Variants in EIF2AK4 observed in about 807,000 individuals in gnomAD.
EIF2AK4 encodes eukaryotic translation initiation factor 2 alpha kinase 4.
In EIF2AK4, 139 loss-of-function variants were observed where a neutral mutation model predicts 211.1. The ratio of observed to expected loss-of-function variants is 0.66; its 90% confidence interval spans 0.57 to 0.76. The LOEUF (loss-of-function observed/expected upper bound fraction) is 0.76, where lower values mean the gene tolerates loss of function less well. Ranked by LOEUF, EIF2AK4 falls within the 30% of genes least tolerant of loss-of-function variation. The pLI, the probability that EIF2AK4 is intolerant of heterozygous loss-of-function variation, is 0.00. For missense variants in EIF2AK4, 1,664 were observed against 2,043.8 expected (o/e 0.81, Z 3.58); for synonymous variants, 710 against 751.3 (o/e 0.94, Z 0.90).
In EIF2AK4 at chr15:40,021,064, A is replaced by C. The variant is rs1555422667; in HGVS notation, c.4302+37A>C. 23 of 1,603,952 alleles carry C rather than the reference A, an allele frequency of 1.4e-5. No individual in the cohort carries two copies. In the South Asian group the frequency reaches 2.6e-4, roughly 18 times the overall value. The stretch of plus-strand genomic sequence containing the variant: ...AAAAGCACCTGTGAGTGAAGTGCAA[A>C]TTGCTATGGCTTTCATGGCAAATAT... On this transcript the variant is annotated intron_variant, in intron 31 of 38. Coordinates refer to ENST00000263791, the MANE Select transcript of EIF2AK4 (RefSeq NM_001013703.4).
At chr15:40,034,919 CTT>C (rs2035594475) in intron 38 of EIF2AK4, 106 bp from the exon 39 acceptor site, 2 of 788,932 alleles carry the variant, frequency 2.5e-6, no homozygotes, top group Non-Finnish European at 3.9e-6. Context: ...AGCCTTCCAT[CTT>C]GTTTTTGCTT....
At chr15:39,975,014 G>A (rs1246419543) in intron 11 of EIF2AK4, 20 of 151,998 alleles carry the variant, frequency 1.3e-4, no homozygotes, top group Admixed American at 1.3e-3. Context: ...AGATCGAAAG[G>A]CAATGCCAAG....
In EIF2AK4 at chr15:39,949,002, T is replaced by C. The variant is rs769332126; in HGVS notation, c.361-114T>C. 7 of 1,220,286 alleles carry C rather than the reference T, an allele frequency of 5.7e-6. 1 individual carries two copies. Among genetic ancestry groups the C allele is most frequent in the Admixed American group, 2.0e-5 (1 of 50,684 alleles). The allele number at this position is 1,220,286 out of a possible 1,614,324, so 75.6% of individuals were successfully genotyped here. ...GAGTATGTCATATCAAAATGAATAA[T>C]GGCATTCTAAGTGGGCCTCTGACCG... On this transcript the variant is annotated intron_variant, in intron 3 of 38. Coordinates refer to ENST00000263791, the MANE Select transcript of EIF2AK4 (RefSeq NM_001013703.4).
chr15:39,972,803 T>C (rs2034642808), intron 9 of EIF2AK4, 105 bp from the exon 10 acceptor site: 6 of 818,598 alleles, frequency 7.3e-6, no homozygotes, highest in Non-Finnish European at 1.2e-5. Flanking sequence ...ACATGAATTC[T>C]ATAATGTGTA....
rs867263986 is a variant in EIF2AK4 at position 39,999,131 on chromosome 15, T to C, written c.2922+347T>C. Among the ~76,000 whole-genome samples the C allele has an allele frequency of 6.0e-4, 92 of 152,262 alleles. 1 individual carries two copies. Among genetic ancestry groups the C allele is most frequent in the African/African-American group, 1.7e-3 (71 of 41,574 alleles). On this transcript the variant is annotated intron_variant, in intron 20 of 38. Transcript: ENST00000263791. ...AGCTTGGGGCTTTAAGAAAAAAATA[T>C]AATTTAAAACTGTAATTTTGTTCTG...
At chr15:39,957,433 T>G (rs2034406331) in intron 6 of EIF2AK4, among the ~76,000 whole-genome samples, 1 of 152,160 alleles carries the variant, frequency 6.6e-6, no homozygotes, top group African/African-American at 2.4e-5. Flanking sequence ...CTGCCTGGAC[T>G]ACTCAACCTC....
intron 32 of EIF2AK4, among the ~76,000 whole-genome samples, chr15:40,025,567 A>G (rs1432400742): frequency 6.6e-6 from 1 of 152,144 alleles, no homozygotes; most frequent in Non-Finnish European, 1.5e-5. Flanking sequence ...CTGAGATCTG[A>G]GAAACCTTGG....
chr15:40,001,633 C>CAAAAA (rs11383908), intron 21 of EIF2AK4, among the ~76,000 whole-genome samples: 3 of 120,334 alleles, frequency 2.5e-5, no homozygotes, highest in Middle Eastern at 3.8e-3. Flanking sequence ...GACCCCAACT[C>CAAAAA]AAAAAAAAAA....
intron 1 of EIF2AK4, among the ~76,000 whole-genome samples, chr15:39,935,027 A>G (rs542349569): frequency 6.6e-6 from 1 of 152,276 alleles, no homozygotes; most frequent in Non-Finnish European, 1.5e-5. Flanking sequence ...AACACTAAGG[A>G]TAGCTGATGA....
chr15:39,938,761 A>G (rs2034102985), intron 1 of EIF2AK4, among the ~76,000 whole-genome samples: 2 of 152,104 alleles, frequency 1.3e-5, no homozygotes, highest in Admixed American at 1.3e-4. Flanking sequence ...GTATCTGTAA[A>G]ATGGAGATGA....
intron 8 of EIF2AK4, among the ~76,000 whole-genome samples, chr15:39,966,267 T>G (rs2034542122): frequency 1.3e-5 from 2 of 152,092 alleles, no homozygotes; most frequent in Non-Finnish European, 2.9e-5. Context: ...CCCAGGAGGT[T>G]GAGACCAGTC....
At chr15:39,993,787 A>G (rs1052698361) in intron 18 of EIF2AK4, among the ~76,000 whole-genome samples, 1 of 152,194 alleles carries the variant, frequency 6.6e-6, no homozygotes. Flanking sequence ...AAGAGAGTTC[A>G]CTCTGGCTGC....
chr15:40,017,316 AAACT>A, intron 29 of EIF2AK4, 74 bp downstream of exon 29: 1 of 1,501,728 alleles, frequency 6.7e-7, no homozygotes, highest in East Asian at 2.3e-5. Flanking sequence ...TGAAATTTTC[AAACT>A]AACACCAAAA....
In EIF2AK4 at chr15:39,934,327, C is replaced by T. The variant is rs761154197; in HGVS notation, c.132C>T (p.Asp44=). 6.2e-7 allele frequency: 1 copy of T among 1,609,350 alleles called. No individual in the cohort carries two copies. The highest frequency in any genetic ancestry group is 1.7e-5 in the Admixed American group (1 of 59,612). The change falls in exon 1 of 39, where the codon GAC becomes GAT. Residue 44 remains aspartate (D), a synonymous_variant. Coordinates refer to ENST00000263791, the MANE Select transcript of EIF2AK4 (RefSeq NM_001013703.4). The part of the protein sequence containing the change: ...YGADFQDLRP[D]ACGPVKEPPE... The stretch of plus-strand genomic sequence containing the variant: ...CGGACTTCCAAGACCTGCGGCCGGA[C>T]GCTTGCGGACCGGTAGGAACGTGGC...
At chr15:40,029,086 G>C (rs1345363780) in intron 33 of EIF2AK4, among the ~76,000 whole-genome samples, 2 of 152,148 alleles carry the variant, frequency 1.3e-5, no homozygotes, top group East Asian at 3.8e-4. Context: ...TATTATGAGG[G>C]GGGCGGAAAG....
rs72729489 is a variant in EIF2AK4 at position 39,971,075 on chromosome 15, G to A, written c.1554-1833G>A. On this transcript the variant is annotated intron_variant, in intron 9 of 38. Coordinates refer to ENST00000263791, the MANE Select transcript of EIF2AK4 (RefSeq NM_001013703.4). ...ATTATAGGTCAAGTGCTACCAAGTC[G>A]TACTACTTGGGCCGTTGTAATGAAA... Among the ~76,000 whole-genome samples, 237 of 152,260 alleles carry A rather than the reference G, an allele frequency of 1.6e-3. 1 individual carries two copies. Among genetic ancestry groups the A allele is most frequent in the Non-Finnish European group, 2.7e-3 (184 of 68,014 alleles).
At chr15:39,969,146 T>G (rs2034586005) in intron 9 of EIF2AK4, among the ~76,000 whole-genome samples, 2 of 152,106 alleles carry the variant, frequency 1.3e-5, no homozygotes, top group South Asian at 4.1e-4. Context: ...GTGTTCTGCC[T>G]TCTTCATTGA....
rs574222262 is a variant in EIF2AK4, at chr15:39,967,387, G to A, written c.1061G>A (p.Ser354Asn). 6.2e-7 allele frequency: 1 copy of A among 1,605,054 alleles called. No individual in the cohort carries two copies. Residue 354 changes from serine (S) to asparagine (N), a missense_variant, in exon 9 of 39, where the codon AGC (serine) becomes AAC (asparagine). Physicochemically the swap from Ser to Asn is conservative, Grantham distance 46 (BLOSUM62 1). Transcript: ENST00000263791. The part of the protein sequence containing the change: ...ETEFNSLVKL[S>N]HPNVVRYLAM... ...GAATTCAACTCACTGGTAAAATTGA[G>A]CCATCCAAATGTAGTACGCTACCTT...
chr15:40,028,216 T>C (rs1018853023), intron 33 of EIF2AK4, among the ~76,000 whole-genome samples: 3 of 152,018 alleles, frequency 2.0e-5, no homozygotes, highest in Admixed American at 1.3e-4. Flanking sequence ...GGGACCGTAG[T>C]CATGTACCAC....
Sources: gnomAD v4.1 joint callset for allele counts (sites outside exome capture counted in the v4.1 genomes callset) on GRCh38, gnomAD v4.1.1 for gene constraint, MANE v1.5 for transcripts, NCBI Gene and HGNC (gene_info 2026-07-23, HGNC 2026-07-21) for gene names.